The following PCSK5 variants were observed in gnomAD, a reference collection of about 807,000 sequenced individuals.
PCSK5 encodes proprotein convertase subtilisin/kexin type 5.
In PCSK5, 129 loss-of-function variants were observed where a neutral mutation model predicts 233.2. The ratio of observed to expected loss-of-function variants is 0.55; its 90% confidence interval spans 0.48 to 0.64. The LOEUF (loss-of-function observed/expected upper bound fraction) is 0.64. Ranked by LOEUF, PCSK5 falls within the 30% of genes least tolerant of loss-of-function variation. The pLI is 0.00. For synonymous variants in PCSK5, 825 were observed against 879.2 expected, an observed-to-expected ratio of 0.94 and a Z score of 1.09; for missense variants, 2,076 against 2,430.1, an observed-to-expected ratio of 0.85 and a Z score of 3.06.
intron 20 of PCSK5, among the ~76,000 whole-genome samples, chr9:76,215,224 C>A (rs2131292008): frequency 6.6e-6 from 1 of 152,232 alleles, no homozygotes; most frequent in Middle Eastern, 3.4e-3. Context: ...GCACATCATA[C>A]CATGTAAAAT....
At position 76,328,248 on chromosome 9, in the gene PCSK5, CT is replaced by C; in HGVS notation, c.4570+11del. The C allele has an allele frequency of 6.3e-7, 1 of 1,588,522 alleles. No homozygotes were observed. The highest frequency in any genetic ancestry group is 8.6e-7 in the Non-Finnish European group (1 of 1,157,572). On this transcript the variant is annotated intron_variant, in intron 33 of 37. Transcript: ENST00000674117. ...GAACAGCCTTCTTCTCAGTGAGTTA[CT>C]TCTCCGAGGACAGCTTTGTGTTTCC...
chr9:76,244,611 G>A (rs1353551119), intron 24 of PCSK5, among the ~76,000 whole-genome samples: 3 of 138,958 alleles, frequency 2.2e-5, no homozygotes, highest in Non-Finnish European at 4.6e-5. Flanking sequence ...GCTATTTAGT[G>A]AACATTAATA....
intron 26 of PCSK5, 65 bp downstream of exon 26, chr9:76,295,476 C>A (rs2643324): frequency 0.21 from 305,545 of 1,437,628 alleles, 33,598 homozygotes; most frequent in Middle Eastern, 0.28. Context: ...CAGTCGGGGC[C>A]ACAGGAGCGC....
intron 24 of PCSK5, among the ~76,000 whole-genome samples, chr9:76,263,147 T>G (rs1482108000): frequency 1.3e-5 from 2 of 151,930 alleles, no homozygotes; most frequent in African/African-American, 4.8e-5. Flanking sequence ...GGAGAGGATG[T>G]GGAGAAATAG....
chr9:76,205,034 C>G, intron 20 of PCSK5: 1 of 497,080 alleles, frequency 2.0e-6, no homozygotes, highest in Non-Finnish European at 4.0e-6. Context: ...TGCTACAAGT[C>G]TAAGGGGTTA....
At position 75,931,248 on chromosome 9, in the gene PCSK5, CTTTTTTTTTT is replaced by C. The variant is rs3074142; in HGVS notation, c.193-1120_193-1111del. Reference sequence around the variant, plus strand: ...CTGGAAAAATTAACATGGGCCAAGACTTTTTTTTTTTTTTTTTTTTAAATTAGGAAAGCTG... The same window carrying C: ...CTGGAAAAATTAACATGGGCCAAGACTTTTTTTTTTAAATTAGGAAAGCTG... On this transcript the variant is annotated intron_variant, in intron 1 of 37. Coordinates refer to ENST00000674117, the MANE Select transcript of PCSK5 (RefSeq NM_001372043.1). 1.2e-3 allele frequency among the ~76,000 whole-genome samples: 157 copies of C among 130,452 alleles called. 3 individuals carry two copies. The South Asian group carries it at 0.037, about 31-fold the overall frequency. The allele number at this position is 130,452 out of a possible 152,430, so 85.6% of individuals were successfully genotyped here.
At chr9:76,282,584 T>C (rs1324050810) in intron 24 of PCSK5, among the ~76,000 whole-genome samples, 2 of 152,104 alleles carry the variant, frequency 1.3e-5, no homozygotes, top group East Asian at 3.9e-4. Flanking sequence ...TCCCAAAGTG[T>C]TGGGATTACA....
intron 21 of PCSK5, among the ~76,000 whole-genome samples, 184 bp downstream of exon 21, chr9:76,227,789 T>C (rs1281802309): frequency 6.6e-6 from 1 of 152,108 alleles, no homozygotes; most frequent in African/African-American, 2.4e-5. Context: ...CCTCTCCCCA[T>C]GACGCCCAGT....
chr9:76,053,273 G>C (rs1014936437), intron 5 of PCSK5, among the ~76,000 whole-genome samples: 3 of 152,296 alleles, frequency 2.0e-5, no homozygotes, highest in East Asian at 3.9e-4. Context: ...CACTGCCCTG[G>C]TAGAGGTTCT....
intron 36 of PCSK5, among the ~76,000 whole-genome samples, chr9:76,353,113 TAAC>T (rs1830208915): frequency 6.6e-6 from 1 of 152,160 alleles, no homozygotes; most frequent in African/African-American, 2.4e-5. Flanking sequence ...AATGAGATAA[TAAC>T]AGCTGAGAAA....
chr9:76,107,402 G>GGGTT, intron 9 of PCSK5, 51 bp downstream of exon 9: 5 of 1,214,012 alleles, frequency 4.1e-6, no homozygotes, highest in Non-Finnish European at 4.8e-6. Context: ...CTGATCTCAG[G>GGGTT]GAAAACGTAC....
At chr9:75,955,861 C>CA (rs1825072243) in intron 2 of PCSK5, among the ~76,000 whole-genome samples, 1 of 152,140 alleles carries the variant, frequency 6.6e-6, no homozygotes, top group African/African-American at 2.4e-5. Flanking sequence ...TACCCTCCAA[C>CA]GTGCTATCAC....
intron 2 of PCSK5, among the ~76,000 whole-genome samples, chr9:75,967,503 G>A (rs980190305): frequency 6.6e-6 from 1 of 152,222 alleles, no homozygotes; most frequent in Non-Finnish European, 1.5e-5. Context: ...GAGCCTGGAA[G>A]CAGCTATGAT....
At chr9:76,086,428 G>A (rs543353747) in intron 7 of PCSK5, among the ~76,000 whole-genome samples, 3 of 152,278 alleles carry the variant, frequency 2.0e-5, no homozygotes, top group African/African-American at 7.2e-5. Context: ...CATGGAGGAT[G>A]TAGGAAGGAG....
intron 29 of PCSK5, 77 bp from the exon 30 acceptor site, chr9:76,310,579 A>T: frequency 1.0e-6 from 1 of 961,656 alleles, no homozygotes; most frequent in Admixed American, 3.1e-5. Flanking sequence ...GTCTTTGGAA[A>T]GCTTAAAAAA....
intron 17 of PCSK5, 109 bp from the exon 18 acceptor site, chr9:76,188,469 C>A: frequency 1.4e-6 from 1 of 690,914 alleles, no homozygotes; most frequent in South Asian, 1.9e-5. Flanking sequence ...TTGCCAAATC[C>A]ACTGGCCTCT....
At chr9:76,284,518 CTT>C (rs35359559) in intron 24 of PCSK5, among the ~76,000 whole-genome samples, 9 of 127,274 alleles carry the variant, frequency 7.1e-5, no homozygotes, top group African/African-American at 2.0e-4. Flanking sequence ...CCATTAAACC[CTT>C]TTTTTTTTTT....
chr9:76,300,416 C>T (rs1220312939), intron 27 of PCSK5, among the ~76,000 whole-genome samples: 1 of 152,170 alleles, frequency 6.6e-6, no homozygotes, highest in East Asian at 1.9e-4. Flanking sequence ...ACAAAGGAAG[C>T]ATCTGTATCA....
At chr9:76,030,249 T>C (rs1430087397) in intron 5 of PCSK5, among the ~76,000 whole-genome samples, 1 of 152,190 alleles carries the variant, frequency 6.6e-6, no homozygotes, top group African/African-American at 2.4e-5. Context: ...ACATTTTAGC[T>C]CTCCATGAGA....
Sources: gnomAD v4.1 joint callset for allele counts (sites outside exome capture counted in the v4.1 genomes callset) on GRCh38, gnomAD v4.1.1 for gene constraint, MANE v1.5 for transcripts, NCBI Gene and HGNC (gene_info 2026-07-23, HGNC 2026-07-21) for gene names.